MACF1: variants seen among roughly 807,000 people sequenced by gnomAD.
The protein encoded by MACF1 is microtubule actin crosslinking factor 1.
Under a neutral mutation model 854.8 loss-of-function variants are expected in MACF1, and 193 were observed. The observed-to-expected ratio is 0.23, with a 90% confidence interval of 0.20 to 0.25. The LOEUF (loss-of-function observed/expected upper bound fraction) is 0.25, where lower values mean the gene tolerates loss of function less well. MACF1 is among the 10% of genes least tolerant of loss of function. MACF1 has a pLI of 1.00. For synonymous variants in MACF1, 3,185 were observed against 3,226.7 expected (o/e 0.99, Z 0.44); for missense variants, 7,722 against 8,929.1 (o/e 0.86, Z 5.45).
chr1:39,463,958 G>A (rs558787911), intron 94 of MACF1: 27 of 325,160 alleles, frequency 8.3e-5, no homozygotes, highest in African/African-American at 5.4e-4. Context: ...TTCCTAGGGG[G>A]ATGAAGGTAC....
intron 6 of MACF1, chr1:39,269,253 G>A (rs1024039771): frequency 1.6e-6 from 2 of 1,289,924 alleles, no homozygotes; most frequent in Admixed American, 4.6e-5. Context: ...AGGAGAGACT[G>A]CAGTGGAGAA....
At chr1:39,276,334 G>T (rs905738208) in intron 6 of MACF1, among the ~76,000 whole-genome samples, 2 of 151,994 alleles carry the variant, frequency 1.3e-5, no homozygotes, top group Non-Finnish European at 1.5e-5. Flanking sequence ...AGAACAACTC[G>T]TCTCATCCAC....
intron 2 of MACF1, among the ~76,000 whole-genome samples, chr1:39,098,727 G>A (rs1240002104): frequency 6.6e-6 from 1 of 152,182 alleles, no homozygotes; most frequent in Non-Finnish European, 1.5e-5. Context: ...ACCATTTTGA[G>A]GGTTGCTATG....
chr1:39,195,190 AT>A (rs1376006206), intron 2 of MACF1, among the ~76,000 whole-genome samples: 1 of 151,736 alleles, frequency 6.6e-6, no homozygotes, highest in Non-Finnish European at 1.5e-5. Context: ...ATTTTGAGTT[AT>A]TTCTGCCATA....
chr1:39,393,904 A>AAAAG (rs780591836), intron 58 of MACF1, among the ~76,000 whole-genome samples: 1 of 152,020 alleles, frequency 6.6e-6, no homozygotes, highest in Non-Finnish European at 1.5e-5. Context: ...GGAAGGAAAG[A>AAAAG]AAAGAAAGAA....
At chr1:39,231,082 A>G in intron 1 of MACF1, 100 bp from the exon 2 acceptor site, 2 of 870,584 alleles carry the variant, frequency 2.3e-6, no homozygotes, top group Admixed American at 3.6e-5. Flanking sequence ...TTATGTGGGT[A>G]AGTTGTTCTA....
chr1:39,232,754 T>TTTTG (rs1553174805), intron 2 of MACF1, among the ~76,000 whole-genome samples: 14 of 58,428 alleles, frequency 2.4e-4, no homozygotes, highest in South Asian at 9.2e-4. Context: ...TTGTTTTTTT[T>TTTTG]TTTTTTTTTT....
At chr1:39,367,342 G>GT (rs943386929) in intron 49 of MACF1, among the ~76,000 whole-genome samples, 107 of 148,034 alleles carry the variant, frequency 7.2e-4, no homozygotes, top group Middle Eastern at 3.5e-3. Flanking sequence ...TGCATTGGCT[G>GT]TTTTTTTTTT....
At chr1:39,291,211 A>G (rs1042511172) in intron 15 of MACF1, among the ~76,000 whole-genome samples, 5 of 152,114 alleles carry the variant, frequency 3.3e-5, no homozygotes, top group African/African-American at 1.2e-4. Flanking sequence ...TCCTGACCTC[A>G]GGTGATCCAC....
At position 39,335,202 on chromosome 1, in the gene MACF1, A is replaced by G; in HGVS notation, c.8614A>G (p.Asn2872Asp). Residue 2872 changes from asparagine to aspartate, a missense_variant, in exon 37 of 101, where the codon AAT (asparagine) becomes GAT (aspartate). Transcript: ENST00000564288. ...ATTTATCAGTATCATAAATCCTCAT[A>G]ATCTTAAAGGTAAATCCTTGGGCCA... ...KEFISIINPHNLKGKSLGQVS... is the reference protein window; with the variant it reads ...KEFISIINPHDLKGKSLGQVS... The G allele has an allele frequency of 6.2e-7, 1 of 1,614,010 alleles. No individual in the cohort carries two copies. Among genetic ancestry groups the G allele is most frequent in the Non-Finnish European group, 8.5e-7 (1 of 1,179,962 alleles).
intron 18 of MACF1, among the ~76,000 whole-genome samples, chr1:39,294,845 G>A (rs1251803859): frequency 6.6e-6 from 1 of 152,164 alleles, no homozygotes; most frequent in Admixed American, 6.5e-5. Context: ...CAGGTCCCAT[G>A]TCCTTTGTGA....
chr1:39,448,546 A>T (rs1333750557), intron 83 of MACF1, 48 bp from the exon 84 acceptor site: 3 of 1,414,398 alleles, frequency 2.1e-6, no homozygotes, highest in Non-Finnish European at 2.8e-6. Flanking sequence ...CCAAATCAAG[A>T]TGTCGTCTGA....
chr1:39,443,426 A>G lies in MACF1; in HGVS notation c.19303-20A>G. Reference sequence around the variant, plus strand: ...TGAGAAATGACTACTGACATGGTTGATATATCTTTTTCTCAAAAGGCCCAG... The same window carrying G: ...TGAGAAATGACTACTGACATGGTTGGTATATCTTTTTCTCAAAAGGCCCAG... On this transcript the variant is annotated intron_variant, in intron 78 of 100. Transcript: ENST00000564288. 6.3e-7 allele frequency: 1 copy of G among 1,598,240 alleles called. No individual in the cohort carries two copies. Among genetic ancestry groups the G allele is most frequent in the Non-Finnish European group, 8.5e-7 (1 of 1,175,562 alleles).
intron 2 of MACF1, among the ~76,000 whole-genome samples, chr1:39,100,922 G>C (rs1014444638): frequency 1.3e-5 from 2 of 152,068 alleles, no homozygotes; most frequent in African/African-American, 4.8e-5. Flanking sequence ...GCGCGTGTGT[G>C]TGTGTGTGTA....
At chr1:39,355,954 C>T (rs1385131366) in intron 44 of MACF1, among the ~76,000 whole-genome samples, 1 of 152,144 alleles carries the variant, frequency 6.6e-6, no homozygotes, top group East Asian at 1.9e-4. Context: ...CTGCATCAGC[C>T]TCCTAGTCAC....
rs1001097754 is a variant in MACF1, at chr1:39,447,095, C to G, written c.19606-337C>G. Among the ~76,000 whole-genome samples, 8 of 152,258 alleles carry G rather than the reference C, an allele frequency of 5.3e-5. No homozygotes were observed. In the East Asian group the frequency reaches 1.3e-3, roughly 26 times the overall value. ...ACATTACCCAAAGCAGGTTGTAGAT[C>G]CTGCAGCTGTCACCACTAAAGGGTC... On this transcript the variant is annotated intron_variant, in intron 80 of 100. Transcript: ENST00000564288.
chr1:39,369,860 C>T (rs567350855), intron 50 of MACF1, among the ~76,000 whole-genome samples, 170 bp from the exon 51 acceptor site: 2 of 152,244 alleles, frequency 1.3e-5, no homozygotes, highest in South Asian at 2.1e-4. Flanking sequence ...GAGTTTGGTA[C>T]GCTTCAATGT....
chr1:39,295,778 T>G lies in MACF1; in HGVS notation c.2260-9T>G, dbSNP rs1426919055. ...CAAGCCCTTCTGTCTGTGTGCTTGT[T>G]TATTGCAGGCTTACAGTGCTGCTGT... On this transcript the variant is annotated splice_polypyrimidine_tract_variant and intron_variant, in intron 19 of 100. Transcript: ENST00000564288. 1.2e-6 allele frequency: 2 copies of G among 1,610,046 alleles called. No homozygotes were observed. The highest frequency in any genetic ancestry group is 1.7e-6 in the Non-Finnish European group (2 of 1,177,562).
At chr1:39,166,212 C>T (rs1442979028) in intron 2 of MACF1, among the ~76,000 whole-genome samples, 1 of 151,056 alleles carries the variant, frequency 6.6e-6, no homozygotes, top group South Asian at 2.1e-4. Context: ...GGATTATAGG[C>T]GTGTGCCACC....
Sources: allele counts gnomAD v4.1 joint callset (sites outside exome capture counted in the v4.1 genomes callset), GRCh38; gene constraint gnomAD v4.1.1; transcripts MANE v1.5; gene names NCBI Gene and HGNC (gene_info 2026-07-23, HGNC 2026-07-21).